The following MAP4K4 variants were observed in gnomAD, a reference collection of about 807,000 sequenced individuals.
MAP4K4 encodes mitogen-activated protein kinase kinase kinase kinase 4.
Under a neutral mutation model 189.6 loss-of-function variants are expected in MAP4K4, and 38 were observed. That is an observed-to-expected ratio of 0.20 (90% confidence interval 0.15 to 0.26). MAP4K4 has a LOEUF of 0.26. MAP4K4 is among the 10% of genes least tolerant of loss of function. MAP4K4 has a pLI of 1.00. For synonymous variants in MAP4K4, 610 were observed against 624.3 expected (o/e 0.98, Z 0.34); for missense variants, 1,054 against 1,726.9 (o/e 0.61, Z 6.91).
At chr2:101,885,319 T>G (rs773061728) in intron 29 of MAP4K4, 32 bp downstream of exon 29, 3 of 1,322,950 alleles carry the variant, frequency 2.3e-6, no homozygotes, top group Non-Finnish European at 3.2e-6. Flanking sequence ...AAAAGTAGTA[T>G]TGGCCATTCA....
chr2:101,778,371 T>C (rs939982423), intron 2 of MAP4K4, among the ~76,000 whole-genome samples: 2 of 152,104 alleles, frequency 1.3e-5, no homozygotes, highest in African/African-American at 4.8e-5. Flanking sequence ...AGTTGTGAAA[T>C]CGCTTTTGTA....
chr2:101,823,596 T>C (rs115123897), intron 3 of MAP4K4, among the ~76,000 whole-genome samples: 121 of 152,346 alleles, frequency 7.9e-4, no homozygotes, highest in Non-Finnish European at 1.5e-3. Flanking sequence ...GGTCCCATTT[T>C]TACAGCTGAA....
chr2:101,740,185 G>A (rs12467435), intron 2 of MAP4K4, among the ~76,000 whole-genome samples: 33,948 of 104,358 alleles, frequency 0.33, 6,855 homozygotes, highest in East Asian at 0.5. Flanking sequence ...ACGGAGTCTC[G>A]CTCTGTCGCC....
At chr2:101,798,332 G>A (rs1264205840) in intron 3 of MAP4K4, among the ~76,000 whole-genome samples, 1 of 151,882 alleles carries the variant, frequency 6.6e-6, no homozygotes, top group African/African-American at 2.4e-5. Flanking sequence ...ATTTTCTTGA[G>A]GACAATATCA....
intron 13 of MAP4K4, among the ~76,000 whole-genome samples, chr2:101,856,494 AAAATG>A (rs1046700681): frequency 2.0e-5 from 3 of 152,204 alleles, no homozygotes; most frequent in African/African-American, 7.2e-5. Context: ...TTTTAAAAAA[AAAATG>A]AAATTAAAAA....
intron 22 of MAP4K4, 174 bp downstream of exon 22, chr2:101,869,971 A>AT: frequency 1.2e-6 from 1 of 802,984 alleles, no homozygotes; most frequent in Non-Finnish European, 1.9e-6. Context: ...TGGTGTGTGC[A>AT]TATGTCAGTG....
intron 3 of MAP4K4, among the ~76,000 whole-genome samples, chr2:101,820,527 T>G (rs1289807690): frequency 6.6e-6 from 1 of 152,256 alleles, no homozygotes; most frequent in African/African-American, 2.4e-5. Context: ...ATTAGTTCAC[T>G]TTCTGGTCAC....
At chr2:101,803,006 G>T (rs1461049669) in intron 3 of MAP4K4, among the ~76,000 whole-genome samples, 1 of 151,996 alleles carries the variant, frequency 6.6e-6, no homozygotes, top group Non-Finnish European at 1.5e-5. Flanking sequence ...GGCTGGTCTC[G>T]AACTACTGAC....
In MAP4K4 at chr2:101,876,363, G is replaced by T. The variant is rs113953205; in HGVS notation, c.3242-640G>T. ...AGCAGAAGAGTGTGGAGACTGTGAC[G>T]GTACAAGGTTAGAGAAGTAGGGTGA... On this transcript the variant is annotated intron_variant, in intron 26 of 32. Coordinates refer to ENST00000324219, the Ensembl canonical transcript of MAP4K4. Among the ~76,000 whole-genome samples the T allele has an allele frequency of 2.5e-3, 378 of 152,214 alleles. 4 individuals carry two copies. Among genetic ancestry groups the T allele is most frequent in the Non-Finnish European group, 3.8e-3 (257 of 67,996 alleles).
exon 33 of MAP4K4, chr2:101,892,652 T>C (rs1239590839): frequency 3.1e-6 from 1 of 324,450 alleles, no homozygotes. Flanking sequence ...ATTCTGCTTA[T>C]TCATAAAGTG....
intron 13 of MAP4K4, among the ~76,000 whole-genome samples, chr2:101,857,266 T>G (rs2097501870): frequency 6.6e-6 from 1 of 152,078 alleles, no homozygotes; most frequent in East Asian, 1.9e-4. Flanking sequence ...CTAAAATCGG[T>G]TTTATTCTGT....
At chr2:101,745,610 T>A (rs1372856633) in intron 2 of MAP4K4, among the ~76,000 whole-genome samples, 1 of 152,122 alleles carries the variant, frequency 6.6e-6, no homozygotes, top group East Asian at 1.9e-4. Flanking sequence ...ACCTGCACAC[T>A]TTTGGGGGCC....
chr2:101,748,606 C>T (rs1574828279), intron 2 of MAP4K4, among the ~76,000 whole-genome samples: 2 of 152,114 alleles, frequency 1.3e-5, no homozygotes, highest in African/African-American at 2.4e-5. Context: ...CCCAGGAGTT[C>T]GAGACTAGCG....
intron 2 of MAP4K4, among the ~76,000 whole-genome samples, chr2:101,710,945 T>C (rs558284949): frequency 6.6e-6 from 1 of 152,340 alleles, no homozygotes; most frequent in Non-Finnish European, 1.5e-5. Context: ...CAGGAAGCCT[T>C]GCCTCCTACA....
intron 2 of MAP4K4, among the ~76,000 whole-genome samples, chr2:101,747,166 TG>T (rs1049552378): frequency 6.6e-6 from 1 of 152,186 alleles, no homozygotes; most frequent in African/African-American, 2.4e-5. Context: ...TTGCCCAGGC[TG>T]GAGTGCAGTG....
intron 2 of MAP4K4, among the ~76,000 whole-genome samples, chr2:101,789,961 C>G (rs1229996228): frequency 6.6e-6 from 1 of 152,022 alleles, no homozygotes; most frequent in Non-Finnish European, 1.5e-5. Flanking sequence ...TGTAAGAAAC[C>G]TGTCTCCCTC....
chr2:101,892,199 T>G (rs2098581201), exon 33 of MAP4K4: 1 of 151,364 alleles, frequency 6.6e-6, no homozygotes, highest in Non-Finnish European at 1.5e-5. Context: ...ACATGTTTAT[T>G]TTTTTTTTGC....
At chr2:101,859,117 A>G (rs753804817) in intron 14 of MAP4K4, 35 bp downstream of exon 14, 3 of 1,573,278 alleles carry the variant, frequency 1.9e-6, no homozygotes, top group Admixed American at 1.7e-5. Flanking sequence ...CTGTAGCATC[A>G]GGGCTCCTTC....
exon 4 of MAP4K4, chr2:101,823,939 A>G (rs774902320): frequency 6.2e-6 from 10 of 1,602,772 alleles, no homozygotes; most frequent in Non-Finnish European, 8.5e-6. Flanking sequence ...ATGAAGAGGA[A>G]GAAATCAAAC....
Sources: gnomAD v4.1 joint callset for allele counts (sites outside exome capture counted in the v4.1 genomes callset) on GRCh38, gnomAD v4.1.1 for gene constraint, MANE v1.5 for transcripts, NCBI Gene and HGNC (gene_info 2026-07-23, HGNC 2026-07-21) for gene names.